The following EXT1 variants were observed in gnomAD, a reference collection of about 807,000 sequenced individuals.
EXT1 encodes exostosin glycosyltransferase 1, also known as exostosin-1.
EXT1 carries 20 observed loss-of-function variants against 82.5 expected under a neutral mutation model. The ratio of observed to expected loss-of-function variants is 0.24; its 90% CI spans 0.17 to 0.35. EXT1 has a LOEUF of 0.35. Ranked by LOEUF, EXT1 falls within the 10% of genes least tolerant of loss-of-function variation. EXT1 has a pLI of 1.00. For missense variants in EXT1, 757 were observed against 936.5 expected, an observed-to-expected ratio of 0.81 and a Z score of 2.50; for synonymous variants, 348 against 350.8, an observed-to-expected ratio of 0.99 and a Z score of 0.09.
In EXT1 at chr8:117,804,799, G is replaced by C. The variant is rs2129693712; in HGVS notation, c.1978C>G (p.Leu660Val). 6.2e-7 allele frequency: 1 copy of C among 1,614,092 alleles called. No individual in the cohort carries two copies. Among genetic ancestry groups the C allele is most frequent in the Non-Finnish European group, 8.5e-7 (1 of 1,179,986 alleles). ...ANCEDILMNF[L>V]VSAVTKLPPI... is the part of the protein sequence containing the mutation. The stretch of plus-strand genomic sequence containing the variant: ...GGCAATTTTGTCACAGCAGACACCA[G>C]GAAGTTCATGAGAATGTCCTCACAA... Residue 660 changes from leucine (L) to valine (V), a missense_variant, in exon 10 of 11, where the codon CTG becomes GTG. By Grantham distance (32) the Leu-to-Val change is conservative. Around this residue, in one of 4 missense-constraint regions of EXT1, gnomAD observed 128 missense variants for 223.2 expected, o/e 0.57. Coordinates refer to ENST00000378204, the MANE Select transcript of EXT1 (RefSeq NM_000127.3).
intron 1 of EXT1, among the ~76,000 whole-genome samples, chr8:118,076,289 G>A (rs1817207135): frequency 6.6e-6 from 1 of 152,238 alleles, no homozygotes; most frequent in African/African-American, 2.4e-5. Context: ...TAGGAAAAGG[G>A]GATTGTGTCA....
At chr8:117,944,282 T>A (rs1396815978) in intron 1 of EXT1, among the ~76,000 whole-genome samples, 3 of 152,124 alleles carry the variant, frequency 2.0e-5, no homozygotes, top group Non-Finnish European at 4.4e-5. Context: ...CACATGTAAT[T>A]CCAGCTACTC....
At chr8:117,863,126 C>G (rs1812713718) in intron 1 of EXT1, among the ~76,000 whole-genome samples, 1 of 133,332 alleles carries the variant, frequency 7.5e-6, no homozygotes, top group Non-Finnish European at 1.7e-5. Flanking sequence ...GCTTAATTTT[C>G]CAGATGCTAT....
At chr8:118,099,641 CTT>C (rs1168449170) in intron 1 of EXT1, among the ~76,000 whole-genome samples, 1 of 152,212 alleles carries the variant, frequency 6.6e-6, no homozygotes, top group Non-Finnish European at 1.5e-5. Flanking sequence ...AGGCAAACCA[CTT>C]TTAAAGACTG....
intron 1 of EXT1, 142 bp downstream of exon 1, chr8:118,109,943 C>G: frequency 1.5e-6 from 2 of 1,340,324 alleles, no homozygotes; most frequent in Non-Finnish European, 2.1e-6. Context: ...ACACCCGAAC[C>G]GGATTTGCTC....
chr8:117,912,137 C>A (rs182287435), intron 1 of EXT1, among the ~76,000 whole-genome samples: 14 of 152,182 alleles, frequency 9.2e-5, no homozygotes, highest in Admixed American at 7.2e-4. Context: ...GCTCTGAGAT[C>A]AAAAATGGCA....
At chr8:118,079,085 T>C (rs17477133) in intron 1 of EXT1, among the ~76,000 whole-genome samples, 8,594 of 152,240 alleles carry the variant, frequency 0.056, 782 homozygotes, top group African/African-American at 0.19. Context: ...AGATTTTTCA[T>C]GAGTAAAATG....
intron 1 of EXT1, among the ~76,000 whole-genome samples, chr8:118,079,761 T>C (rs1261255373): frequency 6.7e-6 from 1 of 149,946 alleles, no homozygotes; most frequent in Non-Finnish European, 1.5e-5. Flanking sequence ...ATGTTCTATC[T>C]TGCACTTCAC....
intron 1 of EXT1, among the ~76,000 whole-genome samples, chr8:118,076,100 A>G (rs1240732661): frequency 6.6e-6 from 1 of 152,216 alleles, no homozygotes; most frequent in African/African-American, 2.4e-5. Flanking sequence ...CTAAAACAAA[A>G]CATAAAGCAA....
chr8:117,814,401 AAC>A (rs1170481233), intron 7 of EXT1, among the ~76,000 whole-genome samples: 5 of 152,132 alleles, frequency 3.3e-5, no homozygotes, highest in African/African-American at 1.2e-4. Context: ...CCATAAGAAT[AAC>A]ATTTTTTGAA....
At chr8:117,897,989 G>A (rs745422168) in intron 1 of EXT1, among the ~76,000 whole-genome samples, 1 of 152,136 alleles carries the variant, frequency 6.6e-6, no homozygotes, top group African/African-American at 2.4e-5. Flanking sequence ...CATAAGGCAT[G>A]GCACAAAATA....
rs969271411 is a variant in EXT1, at chr8:117,799,146, G to A, written c.*566C>T. The A allele has an allele frequency of 6.5e-6, 1 of 154,794 alleles. No individual in the cohort carries two copies. Among genetic ancestry groups the A allele is most frequent in the African/African-American group, 2.4e-5 (1 of 41,436 alleles). 9.6% of individuals were successfully genotyped at this position (154,794 alleles called of 1,614,324 possible). On this transcript the variant is annotated 3_prime_UTR_variant, in exon 11 of 11. Coordinates refer to ENST00000378204, the MANE Select transcript of EXT1 (RefSeq NM_000127.3). ...ACATTTTAGAGATAAAAGTTCAAGTGGATTTGAAGATTCGAAGTGGAAAAC... is the reference window on the plus strand; with the variant it reads ...ACATTTTAGAGATAAAAGTTCAAGTAGATTTGAAGATTCGAAGTGGAAAAC...
At chr8:118,109,741 A>G (rs1586279084) in intron 1 of EXT1, among the ~76,000 whole-genome samples, 1 of 152,010 alleles carries the variant, frequency 6.6e-6, no homozygotes, top group Non-Finnish European at 1.5e-5. Flanking sequence ...CCTCAGAAAC[A>G]CCCTCCAGTA....
rs759514310 is a variant in EXT1 at position 117,819,749 on chromosome 8, G to T, written c.1463C>A (p.Thr488Asn). The change falls in exon 6 of 11, where the codon ACC becomes AAC. Residue 488 changes from threonine to asparagine, a missense_variant. Coordinates refer to ENST00000378204, the MANE Select transcript of EXT1 (RefSeq NM_000127.3). ...TGGCTGGGACTGAGAGACCAGGGGG[G>T]TCACCGCATGGATGACTGCAGTGAA... Reference protein sequence around the residue: ...SKFTAVIHAVTPLVSQSQPVL... With the variant: ...SKFTAVIHAVNPLVSQSQPVL... 5 of 1,613,330 alleles carry T rather than the reference G, an allele frequency of 3.1e-6. No individual in the cohort carries two copies. Among genetic ancestry groups the T allele is most frequent in the Non-Finnish European group, 4.2e-6 (5 of 1,180,036 alleles).
chr8:117,948,706 T>C (rs1379025573), intron 1 of EXT1, among the ~76,000 whole-genome samples: 1 of 152,244 alleles, frequency 6.6e-6, no homozygotes, highest in Non-Finnish European at 1.5e-5. Context: ...TCCTGCCATG[T>C]ATAGCCAACA....
chr8:117,976,303 A>C (rs1466429), intron 1 of EXT1, among the ~76,000 whole-genome samples: 111,402 of 152,126 alleles, frequency 0.73, 41,750 homozygotes, highest in African/African-American at 0.88. Flanking sequence ...TGTTTCCATC[A>C]AAATACATAC....
At chr8:117,885,481 G>A (rs1489737721) in intron 1 of EXT1, among the ~76,000 whole-genome samples, 20 of 121,688 alleles carry the variant, frequency 1.6e-4, no homozygotes, top group African/African-American at 5.3e-4. Flanking sequence ...CCCTGAAAAT[G>A]GAAAGTAACA....
chr8:118,031,389 G>T (rs2129879099), intron 1 of EXT1, among the ~76,000 whole-genome samples: 1 of 152,026 alleles, frequency 6.6e-6, no homozygotes, highest in South Asian at 2.1e-4. Context: ...GCCAGGCGTG[G>T]TGGCCCGCAC....
chr8:117,828,843 A>G (rs1230147242), intron 4 of EXT1, among the ~76,000 whole-genome samples: 1 of 152,156 alleles, frequency 6.6e-6, no homozygotes, highest in Non-Finnish European at 1.5e-5. Context: ...AACACTGACC[A>G]GAGCTCGCCC....
Sources: allele counts gnomAD v4.1 joint callset (sites outside exome capture counted in the v4.1 genomes callset), GRCh38; gene constraint gnomAD v4.1.1; regional missense constraint gnomAD v4.1.1; transcripts MANE v1.5; gene names NCBI Gene and HGNC (gene_info 2026-07-23, HGNC 2026-07-21).